Variants in UGGT2 observed in about 807,000 individuals in gnomAD.
UGGT2 encodes the protein UDP-glucose glycoprotein glucosyltransferase 2, also known as UDP-glucose:glycoprotein glucosyltransferase 2.
A neutral mutation model predicts 192.1 loss-of-function variants in UGGT2; 180 were observed. That is an observed-to-expected ratio of 0.94 (90% CI 0.83 to 1.06). The LOEUF (loss-of-function observed/expected upper bound fraction) is 1.06. Among genes scored for constraint, UGGT2 ranks in the 50% least tolerant of loss-of-function variants. UGGT2 has a pLI of 0.00. For synonymous variants in UGGT2, 580 were observed against 591.0 expected (o/e 0.98, Z 0.27); for missense variants, 1,849 against 1,795.7 (o/e 1.03, Z -0.54).
intron 5 of UGGT2, among the ~76,000 whole-genome samples, chr13:96,011,571 G>A (rs2052163049): frequency 6.6e-6 from 1 of 152,030 alleles, no homozygotes; most frequent in Admixed American, 6.5e-5. Flanking sequence ...CTGGCTAAGG[G>A]GAATGAAAAA....
intron 29 of UGGT2, among the ~76,000 whole-genome samples, chr13:95,876,400 T>C (rs533156189): frequency 6.6e-6 from 1 of 152,008 alleles, no homozygotes. Flanking sequence ...GTAGGCCTGG[T>C]GGTGGGGTAG....
chr13:95,968,492 C>A (rs1212818906), intron 12 of UGGT2, among the ~76,000 whole-genome samples: 1 of 152,100 alleles, frequency 6.6e-6, no homozygotes, highest in Non-Finnish European at 1.5e-5. Flanking sequence ...CGTGTTGGGT[C>A]ATGGGGGCAG....
intron 1 of UGGT2, among the ~76,000 whole-genome samples, chr13:96,034,201 G>A (rs1175209471): frequency 4.6e-5 from 7 of 152,116 alleles, no homozygotes; most frequent in Non-Finnish European, 8.8e-5. Context: ...GGGATGACCT[G>A]ACTGCAGGTG....
chr13:95,934,453 TCTA>T (rs2049393147), intron 17 of UGGT2, among the ~76,000 whole-genome samples: 1 of 152,214 alleles, frequency 6.6e-6, no homozygotes. Context: ...ACTGTCAGTG[TCTA>T]ACACACGATA....
chr13:96,039,033 GA>G (rs1478696739), intron 1 of UGGT2, among the ~76,000 whole-genome samples: 1 of 151,966 alleles, frequency 6.6e-6, no homozygotes, highest in African/African-American at 2.4e-5. Flanking sequence ...ATTCCCAAAG[GA>G]AAAAAATAGA....
chr13:95,960,694 A>G (rs1478839164), intron 12 of UGGT2, among the ~76,000 whole-genome samples: 1 of 152,246 alleles, frequency 6.6e-6, no homozygotes, highest in Admixed American at 6.5e-5. Context: ...GGAGGCACAG[A>G]GATTCCCAAA....
chr13:95,956,838 A>C (rs1024838624), intron 12 of UGGT2, among the ~76,000 whole-genome samples: 2 of 152,258 alleles, frequency 1.3e-5, no homozygotes, highest in African/African-American at 4.8e-5. Context: ...ATATACCCAC[A>C]AGAACTGAAA....
At chr13:96,031,095 G>A (rs571761444) in intron 2 of UGGT2, among the ~76,000 whole-genome samples, 1 of 152,290 alleles carries the variant, frequency 6.6e-6, no homozygotes, top group South Asian at 2.1e-4. Context: ...AGATATATAT[G>A]TACCACACTA....
chr13:95,968,878 G>C (rs1468712724), intron 12 of UGGT2, among the ~76,000 whole-genome samples: 2 of 152,074 alleles, frequency 1.3e-5, no homozygotes, highest in Non-Finnish European at 2.9e-5. Flanking sequence ...TAACTCAAGA[G>C]GCTTGGGTTG....
chr13:95,816,253 AT>A (rs1488104709), intron 38 of UGGT2, among the ~76,000 whole-genome samples: 1 of 152,190 alleles, frequency 6.6e-6, no homozygotes, highest in East Asian at 1.9e-4. Context: ...ATCACTATGC[AT>A]CCATTAAATT....
intron 20 of UGGT2, among the ~76,000 whole-genome samples, chr13:95,917,923 C>A (rs1166751639): frequency 6.6e-6 from 1 of 152,114 alleles, no homozygotes; most frequent in Admixed American, 6.6e-5. Context: ...ACTTAGACTC[C>A]CACACAATAA....
chr13:95,874,283 C>A (rs1181230361), intron 29 of UGGT2, among the ~76,000 whole-genome samples: 4 of 152,086 alleles, frequency 2.6e-5, no homozygotes, highest in African/African-American at 7.2e-5. Flanking sequence ...ATGGATAGTA[C>A]CGAACCCTAA....
rs1257741036 is a variant in UGGT2 at position 95,818,839 on chromosome 13, C to G, written c.4528+14088G>C. On this transcript the variant is annotated intron_variant, in intron 38 of 38. Coordinates refer to ENST00000376747, the MANE Select transcript of UGGT2 (RefSeq NM_020121.4). The stretch of plus-strand genomic sequence containing the variant: ...GAAACAGAGACCTGCAGGAAGAAGC[C>G]TTTCTCAACCAGGCTAGGACTTGAG... Among the ~76,000 whole-genome samples the G allele has an allele frequency of 2.0e-5, 3 of 152,130 alleles. No individual in the cohort carries two copies. In the South Asian group the frequency reaches 6.2e-4, roughly 32 times the overall value.
At position 95,946,984 on chromosome 13, in the gene UGGT2, G is replaced by A. The variant is rs1307459284; in HGVS notation, c.1677+53C>T. Reference sequence around the variant, plus strand: ...TACATTCTAAAGAAATCATAATATAGTAATGCAAGAATTTTACCTTCTAAA... The same window carrying A: ...TACATTCTAAAGAAATCATAATATAATAATGCAAGAATTTTACCTTCTAAA... On this transcript the variant is annotated intron_variant, in intron 15 of 38. Coordinates refer to ENST00000376747, the MANE Select transcript of UGGT2 (RefSeq NM_020121.4). 3 of 1,456,792 alleles carry A rather than the reference G, an allele frequency of 2.1e-6. No individual in the cohort carries two copies. In the Admixed American group the frequency reaches 7.6e-5, roughly 37 times the overall value. The allele number at this position is 1,456,792 out of a possible 1,614,324, so 90.2% of individuals were successfully genotyped here.
At chr13:95,901,089 A>G in intron 21 of UGGT2, 151 bp from the exon 22 acceptor site, 3 of 596,448 alleles carry the variant, frequency 5.0e-6, no homozygotes, top group Non-Finnish European at 7.1e-6. Flanking sequence ...ACATTTTTAA[A>G]AAAAGAATTC....
intron 36 of UGGT2, among the ~76,000 whole-genome samples, chr13:95,849,640 T>C (rs956830418): frequency 5.9e-5 from 9 of 151,800 alleles, no homozygotes; most frequent in Admixed American, 4.6e-4. Flanking sequence ...AGACACCTGA[T>C]CTAAGCCCAC....
intron 20 of UGGT2, among the ~76,000 whole-genome samples, chr13:95,910,588 G>T (rs898968366): frequency 6.6e-6 from 1 of 152,144 alleles, no homozygotes; most frequent in African/African-American, 2.4e-5. Context: ...GATTCATAAA[G>T]CAAGTCCTCA....
At chr13:95,834,555 T>C (rs1325548755) in intron 37 of UGGT2, among the ~76,000 whole-genome samples, 2 of 152,222 alleles carry the variant, frequency 1.3e-5, no homozygotes, top group African/African-American at 2.4e-5. Flanking sequence ...TTATTAGTCA[T>C]GCTCTTTTCT....
chr13:95,924,026 A>G (rs1053197513), intron 20 of UGGT2, among the ~76,000 whole-genome samples: 7 of 152,142 alleles, frequency 4.6e-5, no homozygotes, highest in Admixed American at 3.3e-4. Context: ...TCTTTTTTCA[A>G]TTTTTATATT....
Sources: allele counts gnomAD v4.1 joint callset (sites outside exome capture counted in the v4.1 genomes callset), GRCh38; gene constraint gnomAD v4.1.1; transcripts MANE v1.5; gene names NCBI Gene and HGNC (gene_info 2026-07-23, HGNC 2026-07-21).